SHISA9: variants seen among roughly 807,000 people sequenced by gnomAD.
The protein encoded by SHISA9 is protein shisa-9.
In SHISA9, 13 loss-of-function variants were observed where a neutral mutation model predicts 38.0. That is an observed-to-expected ratio of 0.34 (90% CI 0.22 to 0.54). The LOEUF is 0.54. Among genes scored for constraint, SHISA9 ranks in the 20% least tolerant of loss-of-function variants. SHISA9 has a pLI of 0.91. For missense variants in SHISA9, 538 were observed against 575.8 expected (o/e 0.93, Z 0.67); for synonymous variants, 275 against 242.0 (o/e 1.14, Z -1.27).
At chr16:13,167,471 TAAC>T (rs1255754709) in intron 2 of SHISA9, among the ~76,000 whole-genome samples, 8 of 152,324 alleles carry the variant, frequency 5.3e-5, no homozygotes, top group African/African-American at 1.9e-4. Flanking sequence ...ACGTTTCTGG[TAAC>T]TCCTTGACGT....
intron 2 of SHISA9, among the ~76,000 whole-genome samples, chr16:12,971,397 G>C (rs765461513): frequency 2.0e-4 from 31 of 152,208 alleles, no homozygotes; most frequent in Admixed American, 1.8e-3. Context: ...AGCTGGGTTG[G>C]AGAGGCAGGC....
chr16:12,983,474 G>A (rs1326917834), intron 2 of SHISA9, among the ~76,000 whole-genome samples: 1 of 152,200 alleles, frequency 6.6e-6, no homozygotes, highest in African/African-American at 2.4e-5. Context: ...CTTATGTGGA[G>A]TCAGAGAGCA....
At chr16:13,309,743 G>A in the SHISA9 span, among the ~76,000 whole-genome samples, 2 of 151,834 alleles carry the variant, frequency 1.3e-5, no homozygotes, top group Non-Finnish European at 2.9e-5. Flanking sequence ...TGTTCTCAGT[G>A]CTTAGAAAGC....
chr16:13,437,439 A>G, the SHISA9 span, among the ~76,000 whole-genome samples: 3 of 152,198 alleles, frequency 2.0e-5, no homozygotes, highest in Non-Finnish European at 4.4e-5. Context: ...AAAAGACATT[A>G]TCAATATTCC....
At chr16:13,440,185 G>T in the SHISA9 span, among the ~76,000 whole-genome samples, 1 of 152,276 alleles carries the variant, frequency 6.6e-6, no homozygotes, top group South Asian at 2.1e-4. Flanking sequence ...TGTGGGTGGG[G>T]GTGGAAGGTT....
chr16:13,097,387 A>G (rs1014155140), intron 2 of SHISA9, among the ~76,000 whole-genome samples: 1 of 151,694 alleles, frequency 6.6e-6, no homozygotes, highest in African/African-American at 2.4e-5. Flanking sequence ...CACGCGGTGG[A>G]ATGCCCGACA....
At chr16:13,446,128 G>A in the SHISA9 span, among the ~76,000 whole-genome samples, 1 of 151,930 alleles carries the variant, frequency 6.6e-6, no homozygotes, top group Admixed American at 6.6e-5. Flanking sequence ...TGTGTTTTTA[G>A]TAGAGACGGA....
the SHISA9 span, among the ~76,000 whole-genome samples, chr16:13,262,527 A>C: frequency 6.6e-6 from 1 of 152,188 alleles, no homozygotes; most frequent in African/African-American, 2.4e-5. Flanking sequence ...CTTTTAAGAC[A>C]GAAACTCTAC....
chr16:13,242,797 C>G (rs560455580), downstream of SHISA9, among the ~76,000 whole-genome samples: 11 of 152,268 alleles, frequency 7.2e-5, no homozygotes, highest in South Asian at 2.3e-3. Flanking sequence ...GGAATTGAGT[C>G]TCTTACCACT....
intron 2 of SHISA9, among the ~76,000 whole-genome samples, chr16:13,196,522 T>A (rs1252670995): frequency 6.6e-6 from 1 of 152,004 alleles, no homozygotes; most frequent in Non-Finnish European, 1.5e-5. Flanking sequence ...AAGAGGAATC[T>A]AAAGAGATAT....
chr16:13,189,011 C>T (rs1451284572), intron 2 of SHISA9, among the ~76,000 whole-genome samples: 1 of 152,094 alleles, frequency 6.6e-6, no homozygotes, highest in African/African-American at 2.4e-5. Context: ...CAGAGATCCC[C>T]AAGCCAAGAA....
At chr16:13,187,834 A>C (rs190165148) in intron 2 of SHISA9, among the ~76,000 whole-genome samples, 1 of 152,226 alleles carries the variant, frequency 6.6e-6, no homozygotes, top group Non-Finnish European at 1.5e-5. Flanking sequence ...ACAAAGTAGC[A>C]TGCTTCCACA....
chr16:13,545,848 C>T, the SHISA9 span, among the ~76,000 whole-genome samples: 1 of 152,186 alleles, frequency 6.6e-6, no homozygotes, highest in African/African-American at 2.4e-5. Flanking sequence ...CAGAGCAGCT[C>T]ATTCAATGGG....
the SHISA9 span, among the ~76,000 whole-genome samples, chr16:13,524,293 A>T: frequency 2.0e-5 from 3 of 152,338 alleles, no homozygotes; most frequent in African/African-American, 2.4e-5. Flanking sequence ...CCATCATCTG[A>T]CAATAATTTG....
chr16:13,366,681 A>T, the SHISA9 span, among the ~76,000 whole-genome samples: 1 of 139,700 alleles, frequency 7.2e-6, no homozygotes, highest in East Asian at 1.9e-4. Context: ...TGTCTCTACA[A>T]AAATAAAATA....
intron 2 of SHISA9, among the ~76,000 whole-genome samples, chr16:13,171,264 C>G (rs889654937): frequency 2.0e-5 from 3 of 152,290 alleles, no homozygotes; most frequent in Non-Finnish European, 4.4e-5. Context: ...CAAACACCTC[C>G]CACCAGGCCC....
the SHISA9 span, among the ~76,000 whole-genome samples, chr16:13,534,365 T>C: frequency 4.0e-5 from 6 of 151,848 alleles, no homozygotes; most frequent in Non-Finnish European, 4.4e-5. Flanking sequence ...GCTGGGACTA[T>C]AGGTGTATGC....
At chr16:12,935,884 A>T (rs1174352577) in intron 2 of SHISA9, among the ~76,000 whole-genome samples, 1 of 148,908 alleles carries the variant, frequency 6.7e-6, no homozygotes, top group African/African-American at 2.5e-5. Context: ...GACATATGAG[A>T]TGGAGGATAT....
intron 2 of SHISA9, among the ~76,000 whole-genome samples, chr16:12,991,882 A>AT (rs1237509664): frequency 6.6e-6 from 1 of 152,126 alleles, no homozygotes; most frequent in Non-Finnish European, 1.5e-5. Flanking sequence ...TTAGAAAAAA[A>AT]ATATATCCTT....
Sources: allele counts gnomAD v4.1 joint callset (sites outside exome capture counted in the v4.1 genomes callset), GRCh38; gene constraint gnomAD v4.1.1; transcripts MANE v1.5; gene names NCBI Gene and HGNC (gene_info 2026-07-23, HGNC 2026-07-21).